Variants in NEGR1 observed in about 807,000 individuals in gnomAD.
NEGR1 encodes the protein IgLON family member 4.
Under a neutral mutation model 40.9 loss-of-function variants are expected in NEGR1, and 10 were observed. That is an observed-to-expected ratio of 0.24 (90% CI 0.15 to 0.42). The LOEUF is 0.42. Ranked by LOEUF, NEGR1 falls within the 10% of genes least tolerant of loss-of-function variation. The pLI, the probability that NEGR1 is intolerant of heterozygous loss-of-function variation, is 1.00. For missense variants in NEGR1, 352 were observed against 438.9 expected (o/e 0.80, Z 1.77); for synonymous variants, 185 against 166.8 (o/e 1.11, Z -0.84).
chr1:71,486,145 T>G (rs1646886174), intron 6 of NEGR1, among the ~76,000 whole-genome samples: 1 of 151,698 alleles, frequency 6.6e-6, no homozygotes, highest in African/African-American at 2.4e-5. Flanking sequence ...GCCATTCTAG[T>G]AAGTGTGTAG....
chr1:72,180,759 T>A (rs932604765), intron 1 of NEGR1, among the ~76,000 whole-genome samples: 1 of 152,130 alleles, frequency 6.6e-6, no homozygotes, highest in Non-Finnish European at 1.5e-5. Flanking sequence ...TACTATGAGA[T>A]ACCACCTCAA....
At chr1:71,766,508 C>T (rs1203024985) in intron 3 of NEGR1, among the ~76,000 whole-genome samples, 1 of 152,150 alleles carries the variant, frequency 6.6e-6, no homozygotes, top group Non-Finnish European at 1.5e-5. Flanking sequence ...GCCAGTAACA[C>T]CTTTATCAAT....
At chr1:72,046,017 A>G (rs1646998708) in intron 1 of NEGR1, among the ~76,000 whole-genome samples, 1 of 151,778 alleles carries the variant, frequency 6.6e-6, no homozygotes, top group Non-Finnish European at 1.5e-5. Flanking sequence ...GAAAGTAATT[A>G]ATGGAAAATA....
At chr1:71,874,911 A>G (rs1461999663) in intron 2 of NEGR1, among the ~76,000 whole-genome samples, 1 of 152,006 alleles carries the variant, frequency 6.6e-6, no homozygotes, top group Non-Finnish European at 1.5e-5. Flanking sequence ...TAACATAATC[A>G]TGATTCATTG....
At chr1:71,538,520 A>T (rs1020520220) in intron 6 of NEGR1, among the ~76,000 whole-genome samples, 4 of 151,662 alleles carry the variant, frequency 2.6e-5, no homozygotes, top group Non-Finnish European at 5.9e-5. Flanking sequence ...AGTGGAAGCA[A>T]TGTCATTTTC....
chr1:72,138,827 A>C, intron 1 of NEGR1, among the ~76,000 whole-genome samples: 1 of 152,008 alleles, frequency 6.6e-6, no homozygotes, highest in East Asian at 1.9e-4. Context: ...AAGCATATGA[A>C]AAACTCTAAC....
intron 4 of NEGR1, among the ~76,000 whole-genome samples, chr1:71,669,004 G>A (rs1386361689): frequency 2.0e-5 from 3 of 152,106 alleles, no homozygotes; most frequent in African/African-American, 7.2e-5. Flanking sequence ...CCAAATGACT[G>A]TGGATTTGCC....
At chr1:71,732,529 C>G (rs879412734) in intron 3 of NEGR1, among the ~76,000 whole-genome samples, 1 of 150,262 alleles carries the variant, frequency 6.7e-6, no homozygotes, top group Admixed American at 6.7e-5. Context: ...TGCGCGCGCG[C>G]GCCAGCTTGT....
At chr1:72,165,780 G>A (rs1651743302) in intron 1 of NEGR1, among the ~76,000 whole-genome samples, 1 of 151,984 alleles carries the variant, frequency 6.6e-6, no homozygotes, top group Non-Finnish European at 1.5e-5. Flanking sequence ...TGGAAAGTAT[G>A]CTTTCCACTA....
chr1:72,191,338 A>G (rs564866379), intron 1 of NEGR1, among the ~76,000 whole-genome samples: 2 of 151,856 alleles, frequency 1.3e-5, no homozygotes, highest in African/African-American at 4.8e-5. Flanking sequence ...TTCCATGAAT[A>G]GTTCCAAAAG....
chr1:71,601,887 A>G (rs1649931205), intron 5 of NEGR1, among the ~76,000 whole-genome samples: 1 of 152,176 alleles, frequency 6.6e-6, no homozygotes, highest in Non-Finnish European at 1.5e-5. Flanking sequence ...GGTGCCCTAG[A>G]AACCCAAACC....
chr1:71,746,568 T>A (rs1187235770), intron 3 of NEGR1, among the ~76,000 whole-genome samples: 2 of 152,142 alleles, frequency 1.3e-5, no homozygotes, highest in African/African-American at 4.8e-5. Flanking sequence ...CTTCTTTTTT[T>A]TTTTCTTGTT....
chr1:71,930,540 G>A (rs1480431650), intron 2 of NEGR1, among the ~76,000 whole-genome samples: 2 of 151,878 alleles, frequency 1.3e-5, no homozygotes, highest in Non-Finnish European at 2.9e-5. Context: ...TTGGTGTTCT[G>A]AATACTCCTC....
intron 6 of NEGR1, among the ~76,000 whole-genome samples, chr1:71,513,378 T>C (rs1557551451): frequency 6.6e-6 from 1 of 152,120 alleles, no homozygotes; most frequent in Non-Finnish European, 1.5e-5. Context: ...TGGGTCTCAG[T>C]TTTGTGGGAC....
chr1:71,961,973 A>G (rs1193962451), intron 1 of NEGR1, among the ~76,000 whole-genome samples: 3 of 152,126 alleles, frequency 2.0e-5, no homozygotes, highest in Admixed American at 6.6e-5. Flanking sequence ...GAAATAATCA[A>G]GTTTGGGGGC....
At chr1:71,697,023 C>T (rs1379306376) in intron 4 of NEGR1, among the ~76,000 whole-genome samples, 1 of 151,746 alleles carries the variant, frequency 6.6e-6, no homozygotes, top group African/African-American at 2.4e-5. Flanking sequence ...TACAGCTCAA[C>T]TGTTAGAAGT....
intron 1 of NEGR1, among the ~76,000 whole-genome samples, chr1:72,231,948 C>T (rs904253052): frequency 6.6e-6 from 1 of 152,048 alleles, no homozygotes; most frequent in Non-Finnish European, 1.5e-5. Flanking sequence ...AGGAAATATA[C>T]AACATATTGG....
At chr1:71,543,350 G>A (rs1214911570) in intron 6 of NEGR1, among the ~76,000 whole-genome samples, 1 of 151,670 alleles carries the variant, frequency 6.6e-6, no homozygotes, top group African/African-American at 2.4e-5. Flanking sequence ...TCTCAAGATG[G>A]TAAGAGTTCT....
intron 5 of NEGR1, among the ~76,000 whole-genome samples, chr1:71,604,532 G>C (rs1325494772): frequency 1.3e-5 from 2 of 152,024 alleles, no homozygotes; most frequent in African/African-American, 4.8e-5. Flanking sequence ...ATAGAAAAGA[G>C]GAGAGGAATG....
Sources: gnomAD v4.1 joint callset for allele counts (sites outside exome capture counted in the v4.1 genomes callset) on GRCh38, gnomAD v4.1.1 for gene constraint, MANE v1.5 for transcripts, NCBI Gene and HGNC (gene_info 2026-07-23, HGNC 2026-07-21) for gene names.